The following NWD1 variants were observed in gnomAD, a reference collection of about 807,000 sequenced individuals.
NWD1 encodes NACHT and WD repeat domain containing 1, also known as NACHT domain- and WD repeat-containing protein 1.
In NWD1, 129 loss-of-function variants were observed where a neutral mutation model predicts 135.1. The observed-to-expected ratio is 0.96, with a 90% CI of 0.83 to 1.11. NWD1 has a LOEUF of 1.11. NWD1 is among the 50% of genes least tolerant of loss of function. The pLI, the probability that NWD1 is intolerant of heterozygous loss-of-function variation, is 0.00. For missense variants in NWD1, 1,740 were observed against 1,851.3 expected (o/e 0.94, Z 1.10); for synonymous variants, 773 against 786.0 (o/e 0.98, Z 0.28).
chr19:16,768,069 G>A (rs1308360730), intron 10 of NWD1, among the ~76,000 whole-genome samples: 6 of 129,530 alleles, frequency 4.6e-5, no homozygotes, highest in Admixed American at 9.9e-5. Flanking sequence ...TCAGCTCACC[G>A]CAACCTCCAC....
At chr19:16,751,656 C>A (rs1968583727) in intron 6 of NWD1, among the ~76,000 whole-genome samples, 1 of 151,790 alleles carries the variant, frequency 6.6e-6, no homozygotes, top group Admixed American at 6.6e-5. Flanking sequence ...CAAAAATTAG[C>A]CCGGCATGGT....
intron 6 of NWD1, among the ~76,000 whole-genome samples, chr19:16,752,834 G>A (rs1475217999): frequency 6.6e-6 from 1 of 152,084 alleles, no homozygotes; most frequent in African/African-American, 2.4e-5. Flanking sequence ...CCCTGCCTCA[G>A]TGAAAAGTAA....
At chr19:16,771,571 G>A (rs1415410902) in intron 10 of NWD1, among the ~76,000 whole-genome samples, 1 of 152,184 alleles carries the variant, frequency 6.6e-6, no homozygotes, top group African/African-American at 2.4e-5. Context: ...CCTTGATGGA[G>A]CAACTTCCCA....
In NWD1 at chr19:16,799,883, C is replaced by A; in HGVS notation, c.3460-3C>A. 1 of 1,594,258 alleles carries A rather than the reference C, an allele frequency of 6.3e-7. No homozygotes were observed. The highest frequency in any genetic ancestry group is 2.2e-5 in the East Asian group (1 of 44,666). ...GATCTGCCCTCCTGTTCTGCTTCCT[C>A]AGGTGTGGAGTCTGTCAGAACAGGG... On this transcript the variant is annotated splice_polypyrimidine_tract_variant and splice_region_variant and intron_variant, in intron 16 of 18. Transcript: ENST00000524140.
intron 10 of NWD1, 96 bp downstream of exon 10, chr19:16,765,288 T>C (rs4808526): frequency 0.96 from 1,170,882 of 1,224,404 alleles, 562,124 homozygotes; most frequent in African/African-American, 0.99. Context: ...TTTTCATCAA[T>C]TCTCATACCT....
chr19:16,770,730 G>A (rs557612551), intron 10 of NWD1, among the ~76,000 whole-genome samples: 176 of 152,232 alleles, frequency 1.2e-3, no homozygotes, highest in Middle Eastern at 3.4e-3. Context: ...ACCTCCACCC[G>A]TGTTGCCATC....
At chr19:16,759,804 A>T (rs1026631871) in intron 7 of NWD1, among the ~76,000 whole-genome samples, 1 of 151,728 alleles carries the variant, frequency 6.6e-6, no homozygotes, top group African/African-American at 2.4e-5. Flanking sequence ...GACCAGTCTG[A>T]CCAACATGGT....
At chr19:16,754,506 A>ATCCG (rs1568355099) in intron 6 of NWD1, among the ~76,000 whole-genome samples, 4 of 121,950 alleles carry the variant, frequency 3.3e-5, no homozygotes, top group African/African-American at 9.3e-5. Context: ...CCATCCATCC[A>ATCCG]TCATCTCTAT....
At chr19:16,744,761 G>T in intron 5 of NWD1, 43 bp downstream of exon 5, 2 of 1,484,828 alleles carry the variant, frequency 1.3e-6, no homozygotes, top group South Asian at 1.2e-5. Flanking sequence ...ACAAGAAACT[G>T]ACCACGTGTT....
chr19:16,809,731 A>AT (rs1490664590), intron 18 of NWD1, among the ~76,000 whole-genome samples: 1 of 150,302 alleles, frequency 6.7e-6, no homozygotes, highest in Non-Finnish European at 1.5e-5. Context: ...ATTTTTTTGT[A>AT]TTTTTTTGGT....
intron 4 of NWD1, 63 bp downstream of exon 4, chr19:16,736,813 G>T: frequency 1.0e-6 from 1 of 974,416 alleles, no homozygotes; most frequent in South Asian, 1.4e-5. Flanking sequence ...CTGCTTTCTA[G>T]ACAAACTGAT....
In NWD1 at chr19:16,744,471, T is replaced by A; in HGVS notation, c.249T>A (p.Asp83Glu). ...YGPCLIPSRI[D>E]EKEWEVLRDH... ...CCTGTCTGATTCCCTCGCGGATCGA[T>A]GAGAAGGAGTGGGAGGTATTGAGGG... The change falls in exon 5 of 19, where the codon GAT becomes GAA. Residue 83 changes from aspartate to glutamate, a missense_variant. By Grantham distance (45) the Asp-to-Glu change is conservative (BLOSUM62 2). Transcript: ENST00000524140. 2 of 1,535,362 alleles carry A rather than the reference T, an allele frequency of 1.3e-6. No homozygotes were observed. Among genetic ancestry groups the A allele is most frequent in the East Asian group, 2.4e-5 (1 of 40,886 alleles).
intron 1 of NWD1, among the ~76,000 whole-genome samples, chr19:16,722,716 C>A (rs764234229): frequency 9.9e-5 from 15 of 151,820 alleles, no homozygotes; most frequent in Admixed American, 5.9e-4. Context: ...ATAAGGGTGT[C>A]TTTGTTTACC....
At chr19:16,791,225 C>T (rs2123052407) in intron 13 of NWD1, 125 bp from the exon 14 acceptor site, 1 of 837,742 alleles carries the variant, frequency 1.2e-6, no homozygotes, top group South Asian at 1.7e-5. Flanking sequence ...AAAAGAGAGG[C>T]TCTGTCTCCA....
chr19:16,761,742 A>G (rs1969020794), intron 7 of NWD1, among the ~76,000 whole-genome samples: 1 of 152,102 alleles, frequency 6.6e-6, no homozygotes, highest in Non-Finnish European at 1.5e-5. Context: ...TTATGTGTAA[A>G]TTTTGGAGGA....
intron 14 of NWD1, among the ~76,000 whole-genome samples, chr19:16,794,257 T>G (rs543007759): frequency 1.3e-5 from 2 of 152,130 alleles, no homozygotes; most frequent in East Asian, 3.9e-4. Context: ...TCCCAGCTAC[T>G]TGGGAGGCTG....
In NWD1 at chr19:16,732,216, CA is replaced by C. The variant is rs59934633; in HGVS notation, c.81+956del. Reference sequence around the variant, plus strand: ...TGGGTGACAGAGTGAGACTCCGTCTCAAAAAAAAAAAAAAAAAAGGCAGATG... The same window carrying C: ...TGGGTGACAGAGTGAGACTCCGTCTCAAAAAAAAAAAAAAAAAGGCAGATG... On this transcript the variant is annotated intron_variant, in intron 3 of 18. Coordinates refer to ENST00000524140, the MANE Select transcript of NWD1 (RefSeq NM_001007525.5). Among the ~76,000 whole-genome samples the C allele has an allele frequency of 3.6e-3, 414 of 114,730 alleles. 1 individual carries two copies. The highest frequency in any genetic ancestry group is 0.012 in the East Asian group (35 of 2,828). The allele number at this position is 114,730 out of a possible 152,430, so 75.3% of individuals were successfully genotyped here.
At chr19:16,781,954 C>T (rs937848866) in intron 12 of NWD1, among the ~76,000 whole-genome samples, 1 of 151,208 alleles carries the variant, frequency 6.6e-6, no homozygotes, top group Non-Finnish European at 1.5e-5. Context: ...ATTAGCTGGG[C>T]GTGATGGTGG....
chr19:16,763,817 T>G lies in NWD1; in HGVS notation c.2134-11T>G. ...TGTGTCCAAGCTGCAGTCTCCCTTC[T>G]CCTCTGCCAGGTGGCCCCGCAGCCT... is the stretch of plus-strand genomic sequence containing the variant. On this transcript the variant is annotated splice_polypyrimidine_tract_variant and intron_variant, in intron 8 of 18. Transcript: ENST00000524140. 1 of 1,577,324 alleles carries G rather than the reference T, an allele frequency of 6.3e-7. No individual in the cohort carries two copies. The highest frequency in any genetic ancestry group is 1.1e-5 in the South Asian group (1 of 90,262).
Sources: gnomAD v4.1 joint callset for allele counts (sites outside exome capture counted in the v4.1 genomes callset) on GRCh38, gnomAD v4.1.1 for gene constraint, MANE v1.5 for transcripts, NCBI Gene and HGNC (gene_info 2026-07-23, HGNC 2026-07-21) for gene names.